The following ANK2 variants were observed in gnomAD, a reference collection of about 807,000 sequenced individuals.
ANK2 encodes the protein ankyrin-2.
A neutral mutation model predicts 360.5 loss-of-function variants in ANK2; 83 were observed. The ratio of observed to expected loss-of-function variants is 0.23; its 90% confidence interval spans 0.19 to 0.28. The LOEUF (loss-of-function observed/expected upper bound fraction) is 0.28. Among genes scored for constraint, ANK2 ranks in the 10% least tolerant of loss-of-function variants. The pLI is 1.00. For synonymous variants in ANK2, 1,740 were observed against 1,759.5 expected (o/e 0.99, Z 0.28); for missense variants, 4,201 against 4,795.7 (o/e 0.88, Z 3.66).
chr4:113,339,148 C>A, intron 31 of ANK2, 78 bp from the exon 32 acceptor site: 1 of 1,266,116 alleles, frequency 7.9e-7, no homozygotes, highest in Non-Finnish European at 1.1e-6. Flanking sequence ...CTTGTGAACA[C>A]AGAACCACAA....
At chr4:113,179,335 G>C (rs974495145) in intron 2 of ANK2, among the ~76,000 whole-genome samples, 1 of 152,176 alleles carries the variant, frequency 6.6e-6, no homozygotes, top group Non-Finnish European at 1.5e-5. Flanking sequence ...AGCTGCACCA[G>C]CTTTCCAAAA....
the ANK2 span, among the ~76,000 whole-genome samples, chr4:112,725,715 C>G: frequency 3.3e-5 from 5 of 152,054 alleles, no homozygotes; most frequent in African/African-American, 7.2e-5. Context: ...TATAAGGTAC[C>G]TAGAGTAGTC....
At chr4:113,247,594 T>TA (rs1304781347) in intron 9 of ANK2, among the ~76,000 whole-genome samples, 1 of 152,234 alleles carries the variant, frequency 6.6e-6, no homozygotes, top group Admixed American at 6.5e-5. Context: ...CTGCCTTTTC[T>TA]AAAAAACATG....
chr4:113,294,598 A>C (rs1218790517), intron 22 of ANK2, among the ~76,000 whole-genome samples: 2 of 152,184 alleles, frequency 1.3e-5, no homozygotes, highest in East Asian at 3.8e-4. Flanking sequence ...CATATATTGA[A>C]GTGATGGAAT....
chr4:112,953,431 C>T (rs17045155), intron 2 of ANK2, among the ~76,000 whole-genome samples: 4,511 of 152,272 alleles, frequency 0.03, 136 homozygotes, highest in African/African-American at 0.076. Flanking sequence ...TTATGACATT[C>T]GAAGTAGGGA....
chr4:112,741,537 G>A, the ANK2 span, among the ~76,000 whole-genome samples: 23 of 152,328 alleles, frequency 1.5e-4, no homozygotes, highest in Admixed American at 5.9e-4. Flanking sequence ...CATAGTCAGT[G>A]CTTTTATGCC....
At chr4:113,209,044 A>C (rs2098989193) in intron 4 of ANK2, among the ~76,000 whole-genome samples, 2 of 152,106 alleles carry the variant, frequency 1.3e-5, no homozygotes, top group South Asian at 4.1e-4. Context: ...GATTAATAGG[A>C]GAAAAGGAAT....
chr4:113,027,451 G>C (rs1244338130), intron 2 of ANK2, among the ~76,000 whole-genome samples: 3 of 152,182 alleles, frequency 2.0e-5, no homozygotes, highest in East Asian at 3.9e-4. Flanking sequence ...TATTTTTGCT[G>C]ATTGTTCAGA....
intron 1 of ANK2, among the ~76,000 whole-genome samples, chr4:113,100,496 G>A (rs1249384355): frequency 6.6e-6 from 1 of 152,060 alleles, no homozygotes; most frequent in Non-Finnish European, 1.5e-5. Flanking sequence ...CAAAGAGGTG[G>A]AACAACAGAA....
chr4:113,062,721 T>C lies in ANK2; in HGVS notation c.84+12909T>C, dbSNP rs574101752. On this transcript the variant is annotated intron_variant, in intron 1 of 45. Coordinates refer to ENST00000357077, the MANE Select transcript of ANK2 (RefSeq NM_001148.6). Reference sequence around the variant, plus strand: ...GGAGTGATTAATACTTACGCAGATATGGCTGGCTAGGTCTTTCAGTATACT... The same window carrying C: ...GGAGTGATTAATACTTACGCAGATACGGCTGGCTAGGTCTTTCAGTATACT... Among the ~76,000 whole-genome samples, 27 of 152,272 alleles carry C rather than the reference T, an allele frequency of 1.8e-4. 2 individuals carry two copies. The South Asian group carries it at 5.4e-3, about 30-fold the overall frequency.
At position 113,112,888 on chromosome 4, in the gene ANK2, C is replaced by T. The variant is rs2094441202; in HGVS notation, c.85-61528C>T. On this transcript the variant is annotated intron_variant, in intron 1 of 45. Transcript: ENST00000357077. ...ATCCTTTGGGCATTCTCATTTTAGC[C>T]AAATCATCTCCTTGTGGAAACATTC... Among the ~76,000 whole-genome samples the T allele has an allele frequency of 1.3e-5, 2 of 152,152 alleles. 1 individual carries two copies. The highest frequency in any genetic ancestry group is 4.1e-4 in the South Asian group (2 of 4,826).
At chr4:112,843,931 CA>C (rs1382527399) in intron 1 of ANK2, among the ~76,000 whole-genome samples, 1 of 152,070 alleles carries the variant, frequency 6.6e-6, no homozygotes, top group Non-Finnish European at 1.5e-5. Flanking sequence ...AATTGACTCT[CA>C]AAACCTAATG....
chr4:112,795,365 C>T, the ANK2 span, among the ~76,000 whole-genome samples: 1 of 152,124 alleles, frequency 6.6e-6, no homozygotes, highest in African/African-American at 2.4e-5. Flanking sequence ...CCAAGAGTGG[C>T]CCCAGTTGCT....
chr4:112,996,369 A>G (rs1480876366), intron 2 of ANK2, among the ~76,000 whole-genome samples: 2 of 152,174 alleles, frequency 1.3e-5, no homozygotes, highest in African/African-American at 4.8e-5. Context: ...TGTGTAAATC[A>G]TCAAATAGTA....
intron 2 of ANK2, among the ~76,000 whole-genome samples, chr4:112,989,530 G>A (rs994469158): frequency 2.6e-5 from 4 of 152,142 alleles, no homozygotes; most frequent in East Asian, 1.9e-4. Flanking sequence ...CAGCAGCCTC[G>A]TGCAGTATGT....
chr4:112,958,891 C>T (rs1346125310), intron 2 of ANK2, among the ~76,000 whole-genome samples: 2 of 151,380 alleles, frequency 1.3e-5, no homozygotes, highest in Non-Finnish European at 2.9e-5. Context: ...TCTTATCCCC[C>T]AGGCTGGAGT....
At chr4:113,163,967 AT>A (rs1377887818) in intron 1 of ANK2, among the ~76,000 whole-genome samples, 2 of 151,878 alleles carry the variant, frequency 1.3e-5, no homozygotes, top group Non-Finnish European at 2.9e-5. Flanking sequence ...GTCATTCTCC[AT>A]TTCTCTACCC....
At chr4:113,336,271 G>A in intron 30 of ANK2, 1 of 549,778 alleles carries the variant, frequency 1.8e-6, no homozygotes, top group African/African-American at 2.0e-5. Flanking sequence ...TTAATCTCCA[G>A]CTACAAATGT....
intron 1 of ANK2, among the ~76,000 whole-genome samples, chr4:113,167,321 AAC>A (rs1191466823): frequency 6.7e-6 from 1 of 150,054 alleles, no homozygotes; most frequent in Non-Finnish European, 1.5e-5. Flanking sequence ...TTTTTTTGGA[AAC>A]AGAGTTTCGC....
Sources: allele counts gnomAD v4.1 joint callset (sites outside exome capture counted in the v4.1 genomes callset), GRCh38; gene constraint gnomAD v4.1.1; transcripts MANE v1.5; gene names NCBI Gene and HGNC (gene_info 2026-07-23, HGNC 2026-07-21).